The following ADGRV1 variants were observed in gnomAD, a reference collection of about 807,000 sequenced individuals.
The protein encoded by ADGRV1 is G-protein coupled receptor 98.
In ADGRV1, 359 loss-of-function variants were observed where a neutral mutation model predicts 596.2. The observed-to-expected ratio is 0.60, with a 90% confidence interval of 0.55 to 0.66. ADGRV1 has a LOEUF of 0.66. Ranked by LOEUF, ADGRV1 falls within the 30% of genes least tolerant of loss-of-function variation. The pLI is 0.00. For synonymous variants in ADGRV1, 2,681 were observed against 2,679.2 expected (o/e 1.00, Z -0.02); for missense variants, 7,274 against 7,575.6 (o/e 0.96, Z 1.48).
At chr5:90,581,257 C>T (rs1364080358) in intron 1 of ADGRV1, among the ~76,000 whole-genome samples, 1 of 152,178 alleles carries the variant, frequency 6.6e-6, no homozygotes, top group African/African-American at 2.4e-5. Flanking sequence ...CTACTTCTGT[C>T]ACCTTGTCAA....
intron 86 of ADGRV1, among the ~76,000 whole-genome samples, chr5:91,075,088 C>A (rs1352713128): frequency 1.3e-5 from 2 of 152,018 alleles, no homozygotes; most frequent in African/African-American, 4.8e-5. Context: ...GATATTAGAC[C>A]ATTGTGAGCG....
intron 83 of ADGRV1, among the ~76,000 whole-genome samples, chr5:90,871,560 T>G (rs1462506052): frequency 6.6e-6 from 1 of 152,182 alleles, no homozygotes; most frequent in Non-Finnish European, 1.5e-5. Flanking sequence ...TACAGTGACA[T>G]TATCATGTTT....
intron 1 of ADGRV1, among the ~76,000 whole-genome samples, chr5:90,568,545 G>C (rs1039450317): frequency 1.3e-5 from 2 of 152,100 alleles, no homozygotes; most frequent in African/African-American, 4.8e-5. Flanking sequence ...TATCTCTTCT[G>C]GAGACTGCTT....
At chr5:91,076,625 T>G (rs1788877338) in intron 86 of ADGRV1, among the ~76,000 whole-genome samples, 1 of 152,284 alleles carries the variant, frequency 6.6e-6, no homozygotes, top group East Asian at 1.9e-4. Flanking sequence ...TTAAATGACT[T>G]AATTCTCTGA....
At chr5:91,099,006 A>G (rs2126630136) in intron 86 of ADGRV1, among the ~76,000 whole-genome samples, 1 of 152,342 alleles carries the variant, frequency 6.6e-6, no homozygotes, top group South Asian at 2.1e-4. Context: ...TCAGAAGTAA[A>G]AATGAGCCTT....
At chr5:90,963,293 G>T (rs1778180477) in intron 83 of ADGRV1, among the ~76,000 whole-genome samples, 1 of 152,034 alleles carries the variant, frequency 6.6e-6, no homozygotes, top group East Asian at 1.9e-4. Context: ...TAGTTCCAGT[G>T]CTTAGTGCAT....
At chr5:90,831,076 C>T (rs1033464736) in intron 77 of ADGRV1, among the ~76,000 whole-genome samples, 1 of 152,086 alleles carries the variant, frequency 6.6e-6, no homozygotes, top group Admixed American at 6.6e-5. Flanking sequence ...ATTGGTTCTC[C>T]TAGTTCTCAG....
At chr5:90,604,316 A>G (rs1165680416) in intron 1 of ADGRV1, among the ~76,000 whole-genome samples, 1 of 152,160 alleles carries the variant, frequency 6.6e-6, no homozygotes, top group East Asian at 1.9e-4. Flanking sequence ...ACTGGCAGTG[A>G]GTGCAAATAA....
At chr5:90,575,774 A>C (rs1009297414) in intron 1 of ADGRV1, among the ~76,000 whole-genome samples, 1 of 152,068 alleles carries the variant, frequency 6.6e-6, no homozygotes, top group African/African-American at 2.4e-5. Context: ...GAGGGCTTAC[A>C]TGGGGGCGGG....
At chr5:90,769,550 T>A (rs1757475745) in intron 59 of ADGRV1, among the ~76,000 whole-genome samples, 3 of 152,238 alleles carry the variant, frequency 2.0e-5, no homozygotes, top group African/African-American at 7.2e-5. Context: ...TACCTTTTCC[T>A]CTGCATTCTA....
At chr5:90,937,631 G>T (rs935955050) in intron 83 of ADGRV1, among the ~76,000 whole-genome samples, 2 of 151,962 alleles carry the variant, frequency 1.3e-5, no homozygotes, top group East Asian at 1.9e-4. Flanking sequence ...CTAATTTTTT[G>T]TATTTTTAGT....
chr5:91,087,019 T>C, intron 86 of ADGRV1, among the ~76,000 whole-genome samples: 1 of 152,216 alleles, frequency 6.6e-6, no homozygotes, highest in African/African-American at 2.4e-5. Context: ...TACAGTAATT[T>C]ATGCATTTGC....
In ADGRV1 at chr5:90,708,806, A is replaced by G; in HGVS notation, c.8731-10A>G. 6.3e-7 allele frequency: 1 copy of G among 1,585,056 alleles called. No homozygotes were observed. Among genetic ancestry groups the G allele is most frequent in the Non-Finnish European group, 8.7e-7 (1 of 1,155,842 alleles). On this transcript the variant is annotated splice_polypyrimidine_tract_variant and intron_variant, in intron 38 of 89. Coordinates refer to ENST00000405460, the MANE Select transcript of ADGRV1 (RefSeq NM_032119.4). ...TAACTAAAGGAATTTAATGAGTGTA[A>G]TTTTTTCAGGATGATGTACCAGAGC...
rs756442267 is a variant in ADGRV1, at chr5:90,788,201, C to T, written c.13784C>T (p.Thr4595Ile). ...GEGGVRTIILTIYPHEEIEVE... is the reference protein window; with the variant it reads ...GEGGVRTIILIIYPHEEIEVE... ...GGAGGAGTGAGAACCATAATTCTGA[C>T]AATCTATCCTCATGAAGAAATTGAA... is the stretch of plus-strand genomic sequence containing the variant. Residue 4595 changes from threonine (T) to isoleucine (I), a missense_variant, in exon 68 of 90, where the codon ACA becomes ATA. By Grantham distance (89) the Thr-to-Ile change is moderately conservative. Coordinates refer to ENST00000405460, the MANE Select transcript of ADGRV1 (RefSeq NM_032119.4). The T allele has an allele frequency of 6.2e-6, 10 of 1,613,658 alleles. No individual in the cohort carries two copies. The African/African-American group carries it at 8.0e-5, about 13-fold the overall frequency.
chr5:90,891,439 C>T (rs1770814866), intron 83 of ADGRV1, among the ~76,000 whole-genome samples: 1 of 151,226 alleles, frequency 6.6e-6, no homozygotes, highest in Admixed American at 6.6e-5. Flanking sequence ...TTAGTATGTG[C>T]AGGGAAGCAA....
intron 21 of ADGRV1, among the ~76,000 whole-genome samples, chr5:90,671,370 C>G (rs190060183): frequency 1.3e-5 from 2 of 152,284 alleles, no homozygotes; most frequent in African/African-American, 4.8e-5. Flanking sequence ...ACTGAGGGCC[C>G]CACTGACCTA....
At chr5:90,822,388 C>T (rs2438377) in intron 75 of ADGRV1, among the ~76,000 whole-genome samples, 114,015 of 151,816 alleles carry the variant, frequency 0.75, 48,311 homozygotes, top group Non-Finnish European at 0.94. Context: ...GCGTTGCTCA[C>T]GCTGGGAGCT....
At chr5:90,595,567 A>AC (rs1166100836) in intron 1 of ADGRV1, among the ~76,000 whole-genome samples, 1 of 119,912 alleles carries the variant, frequency 8.3e-6, no homozygotes, top group South Asian at 2.8e-4. Context: ...CGGGGGGCTG[A>AC]CCCCCCAACC....
At chr5:90,851,719 C>T (rs1766551860) in intron 79 of ADGRV1, among the ~76,000 whole-genome samples, 1 of 152,142 alleles carries the variant, frequency 6.6e-6, no homozygotes, top group African/African-American at 2.4e-5. Context: ...AAGGTGAATG[C>T]ATTTGAGGGA....
Sources: allele counts gnomAD v4.1 joint callset (sites outside exome capture counted in the v4.1 genomes callset), GRCh38; gene constraint gnomAD v4.1.1; transcripts MANE v1.5; gene names NCBI Gene and HGNC (gene_info 2026-07-23, HGNC 2026-07-21).